The following STXBP5 variants were observed in gnomAD, a reference collection of about 807,000 sequenced individuals.
STXBP5 encodes the protein syntaxin binding protein 5, also known as syntaxin-binding protein 5.
STXBP5 carries 50 observed loss-of-function variants against 152.4 expected under a neutral mutation model. That is an observed-to-expected ratio of 0.33 (90% confidence interval 0.26 to 0.42). The LOEUF (loss-of-function observed/expected upper bound fraction) is 0.42, where lower values mean the gene tolerates loss of function less well. STXBP5 is among the 10% of genes least tolerant of loss of function. STXBP5 has a pLI of 1.00. For synonymous variants in STXBP5, 492 were observed against 494.7 expected, an observed-to-expected ratio of 0.99 and a Z score of 0.07; for missense variants, 1,167 against 1,388.6, an observed-to-expected ratio of 0.84 and a Z score of 2.54.
At position 147,353,383 on chromosome 6, in the gene STXBP5, A is replaced by G. The variant is rs1368779896; in HGVS notation, c.2305+10A>G. On this transcript the variant is annotated intron_variant, in intron 22 of 27. Coordinates refer to ENST00000321680, the MANE Select transcript of STXBP5 (RefSeq NM_001127715.4). ...CTAAAGCCTGATTTAGGTAAGTAAA[A>G]TAAATATTCAAAATAATTTAACTCC... The G allele has an allele frequency of 5.8e-6, 9 of 1,547,898 alleles. No homozygotes were observed. The highest frequency in any genetic ancestry group is 2.8e-5 in the African/African-American group (2 of 72,244).
At chr6:147,295,428 C>G (rs1222672600) in intron 9 of STXBP5, among the ~76,000 whole-genome samples, 1 of 152,116 alleles carries the variant, frequency 6.6e-6, no homozygotes, top group East Asian at 1.9e-4. Context: ...ACTAGAGGTG[C>G]CTGGTGTTAA....
chr6:147,387,629 A>G lies in STXBP5; in HGVS notation c.*2874A>G, dbSNP rs1292633070. ...CTTTTGCTTTGCATTTCAATTGTAC[A>G]AAGTGTTTCCAAAAAAATGGTTATA... On this transcript the variant is annotated 3_prime_UTR_variant, in exon 28 of 28. Coordinates refer to ENST00000321680, the MANE Select transcript of STXBP5 (RefSeq NM_001127715.4). 1 of 151,832 alleles carries G rather than the reference A, an allele frequency of 6.6e-6. No homozygotes were observed. The highest frequency in any genetic ancestry group is 1.5e-5 in the Non-Finnish European group (1 of 67,796). 9.4% of individuals were successfully genotyped at this position (151,832 alleles called of 1,614,324 possible).
intron 2 of STXBP5, among the ~76,000 whole-genome samples, chr6:147,213,477 T>TGCGCGCGCGCGCGCGCGCGC (rs1554282764): frequency 2.4e-4 from 31 of 131,312 alleles, no homozygotes; most frequent in Non-Finnish European, 4.6e-4. Flanking sequence ...TGTGTGTGTG[T>TGCGCGCGCGCGCGCGCGCGC]GCGCGCGCAT....
At chr6:147,303,183 C>T (rs1582914392) in intron 9 of STXBP5, among the ~76,000 whole-genome samples, 1 of 152,140 alleles carries the variant, frequency 6.6e-6, no homozygotes, top group East Asian at 1.9e-4. Context: ...ACTGTGTTCT[C>T]ACCCACATCT....
chr6:147,363,301 T>C (rs1785147213), intron 23 of STXBP5, 34 bp from the exon 24 acceptor site: 1 of 1,527,568 alleles, frequency 6.5e-7, no homozygotes, highest in South Asian at 1.3e-5. Context: ...TTGATTAAAA[T>C]ATTTCAGTTA....
intron 9 of STXBP5, among the ~76,000 whole-genome samples, chr6:147,299,535 A>G (rs909695343): frequency 1.3e-5 from 2 of 151,990 alleles, no homozygotes; most frequent in Admixed American, 1.3e-4. Context: ...ACCAATACTA[A>G]TTCCTGAAAC....
At chr6:147,374,313 C>G (rs1485945232) in intron 26 of STXBP5, among the ~76,000 whole-genome samples, 1 of 152,150 alleles carries the variant, frequency 6.6e-6, no homozygotes, top group Non-Finnish European at 1.5e-5. Flanking sequence ...CTTGAATGAA[C>G]TAATGAATCA....
chr6:147,206,400 A>G (rs570127943), intron 2 of STXBP5, among the ~76,000 whole-genome samples: 17 of 152,330 alleles, frequency 1.1e-4, no homozygotes, highest in African/African-American at 4.1e-4. Flanking sequence ...GAGGTATGTT[A>G]AGGATGAGGT....
At chr6:147,319,115 ATTATTT>A (rs529316992) in intron 16 of STXBP5, among the ~76,000 whole-genome samples, 270 of 152,258 alleles carry the variant, frequency 1.8e-3, no homozygotes, top group African/African-American at 5.9e-3. Context: ...TGTTTGTAAC[ATTATTT>A]TTAATAAGCA....
chr6:147,213,996 A>G (rs946289869), intron 2 of STXBP5, among the ~76,000 whole-genome samples: 3 of 152,210 alleles, frequency 2.0e-5, no homozygotes, highest in African/African-American at 7.2e-5. Context: ...TCATAAAACT[A>G]TAATAATAAA....
chr6:147,253,764 AACT>A (rs1779217751), intron 4 of STXBP5, among the ~76,000 whole-genome samples: 1 of 152,152 alleles, frequency 6.6e-6, no homozygotes, highest in South Asian at 2.1e-4. Context: ...CTTCAAGGAG[AACT>A]ACAAACCACT....
chr6:147,301,925 G>A (rs1467429316), intron 9 of STXBP5, among the ~76,000 whole-genome samples: 1 of 152,090 alleles, frequency 6.6e-6, no homozygotes, highest in Non-Finnish European at 1.5e-5. Flanking sequence ...CTGGGGAAAG[G>A]TGACTATTAT....
At chr6:147,210,850 T>C (rs2115030333) in intron 2 of STXBP5, among the ~76,000 whole-genome samples, 1 of 152,332 alleles carries the variant, frequency 6.6e-6, no homozygotes, top group Admixed American at 6.5e-5. Flanking sequence ...TTATTATTAA[T>C]ATGAGAGTTT....
chr6:147,211,854 C>CGCCA (rs1349881204), intron 2 of STXBP5, among the ~76,000 whole-genome samples: 1 of 152,170 alleles, frequency 6.6e-6, no homozygotes, highest in African/African-American at 2.4e-5. Context: ...TGAGCCACCA[C>CGCCA]GCCAGATTTT....
rs73580502 is a variant in STXBP5 at position 147,217,778 on chromosome 6, A to G, written c.248+11710A>G. On this transcript the variant is annotated intron_variant, in intron 2 of 27. Transcript: ENST00000321680. ...TTTATTCACATTAAAACAAAAAAGC[A>G]GTTGACCGACCTAAATTTTCAGATA... Among the ~76,000 whole-genome samples the G allele has an allele frequency of 4.1e-3, 622 of 152,328 alleles. 3 individuals carry two copies. The highest frequency in any genetic ancestry group is 0.014 in the African/African-American group (596 of 41,582).
Position 147,327,286 on chromosome 6 carries a change from AAAG to A in STXBP5, c.2080+13_2080+15del, listed in dbSNP as rs769589535. 13 of 1,595,458 alleles carry A rather than the reference AAAG, an allele frequency of 8.1e-6. No homozygotes were observed. The highest frequency in any genetic ancestry group is 1.1e-5 in the Non-Finnish European group (13 of 1,175,526). On this transcript the variant is annotated intron_variant, in intron 18 of 27. Coordinates refer to ENST00000321680, the MANE Select transcript of STXBP5 (RefSeq NM_001127715.4). Reference sequence around the variant, plus strand: ...CGACAGCCTTCAGGAGGTAAAAAGAAAAGAAAAGAAAATTCTGAGCTTTAGGAT... The same window carrying A: ...CGACAGCCTTCAGGAGGTAAAAAGAAAAAAGAAAATTCTGAGCTTTAGGAT...
At chr6:147,323,517 G>A (rs1469784632) in intron 16 of STXBP5, among the ~76,000 whole-genome samples, 2 of 151,632 alleles carry the variant, frequency 1.3e-5, no homozygotes, top group African/African-American at 4.8e-5. Context: ...TCAGCCTCCC[G>A]AGTAGCTGGG....
At chr6:147,244,987 CTTTTTTTTTTT>C (rs57889304) in intron 4 of STXBP5, among the ~76,000 whole-genome samples, 1 of 86,200 alleles carries the variant, frequency 1.2e-5, no homozygotes, top group Non-Finnish European at 2.2e-5. Context: ...TGCTGAGCTG[CTTTTTTTTTTT>C]TTTTTTTTTT....
rs780884370 is a variant in STXBP5, at chr6:147,315,683, A to G, written c.1571A>G (p.His524Arg). The part of the protein sequence containing the change: ...RMLCIAGVSA[H>R]VIIYRFSKQE... ...CTGTGCATCGCTGGAGTTTCAGCTC[A>G]TGTCATTATTTATAGATTCAGCAAG... is the stretch of plus-strand genomic sequence containing the variant. Residue 524 changes from histidine to arginine, a missense_variant, in exon 15 of 28, where the codon CAT (histidine) becomes CGT (arginine). This residue lies in a region of STXBP5 where 833 missense variants were observed against 986.3 expected (regional missense o/e 0.84). Transcript: ENST00000321680. 1.2e-6 allele frequency: 2 copies of G among 1,613,778 alleles called. No individual in the cohort carries two copies. The highest frequency in any genetic ancestry group is 1.7e-6 in the Non-Finnish European group (2 of 1,179,886).
Sources: allele counts gnomAD v4.1 joint callset (sites outside exome capture counted in the v4.1 genomes callset), GRCh38; gene constraint gnomAD v4.1.1; regional missense constraint gnomAD v4.1.1; transcripts MANE v1.5; gene names NCBI Gene and HGNC (gene_info 2026-07-23, HGNC 2026-07-21).